The following COQ10B variants were observed in gnomAD, a reference collection of about 807,000 sequenced individuals.
COQ10B encodes the protein coenzyme Q10B.
In COQ10B, 12 loss-of-function variants were observed where a neutral mutation model predicts 27.6. The ratio of observed to expected loss-of-function variants is 0.43; its 90% CI spans 0.28 to 0.70. The LOEUF (loss-of-function observed/expected upper bound fraction) is 0.70, where lower values mean the gene tolerates loss of function less well. Among genes scored for constraint, COQ10B ranks in the 30% least tolerant of loss-of-function variants. The pLI, the probability that COQ10B is intolerant of heterozygous loss-of-function variation, is 0.17. For synonymous variants in COQ10B, 115 were observed against 103.0 expected (o/e 1.12, Z -0.71); for missense variants, 278 against 288.7 (o/e 0.96, Z 0.27).
At chr2:197,473,652 C>A in intron 4 of COQ10B, 105 bp from the exon 5 acceptor site, 1 of 816,208 alleles carries the variant, frequency 1.2e-6, no homozygotes, top group Non-Finnish European at 1.8e-6. Context: ...TGCCACTGCA[C>A]TCCAACCTGG....
At position 197,462,710 on chromosome 2, in the gene COQ10B, G is replaced by T; in HGVS notation, c.426G>T (p.Leu142Phe). 6.6e-7 allele frequency: 1 copy of T among 1,522,130 alleles called. No individual in the cohort carries two copies. The highest frequency in any genetic ancestry group is 8.8e-7 in the Non-Finnish European group (1 of 1,140,628). The allele number at this position is 1,522,130 out of a possible 1,614,324, so 94.3% of individuals were successfully genotyped here. Residue 142 changes from leucine to phenylalanine, a missense_variant, in exon 3 of 5, where the codon TTG (leucine) becomes TTT (phenylalanine). By Grantham distance (22) the Leu-to-Phe change is conservative. Transcript: ENST00000263960. ...VLERYTSVVT[L>F]VKPHLVKASC... is the part of the protein sequence containing the mutation. ...AGCGATATACATCAGTAGTAACCTT[G>T]GTGAAACCTCATTTAGTAAAGGTAA... is the stretch of plus-strand genomic sequence containing the variant.
At chr2:197,468,789 C>A (rs112983411) in intron 3 of COQ10B, among the ~76,000 whole-genome samples, 1 of 152,026 alleles carries the variant, frequency 6.6e-6, no homozygotes, top group African/African-American at 2.4e-5. Context: ...GAGAACACAA[C>A]TCTACAAAAA....
Position 197,460,060 on chromosome 2 carries a change from A to C in COQ10B, c.233A>C (p.Tyr78Ser). 6.2e-7 allele frequency: 1 copy of C among 1,607,714 alleles called. No homozygotes were observed. Among genetic ancestry groups the C allele is most frequent in the Non-Finnish European group, 8.5e-7 (1 of 1,176,722 alleles). Reference sequence around the variant, plus strand: ...CCATTAATAAACAAAAGGAAAGAATATTCAGAGAGAAGAATTTTAGGGTTC... The same window carrying C: ...CCATTAATAAACAAAAGGAAAGAATCTTCAGAGAGAAGAATTTTAGGGTTC... ...TAPLINKRKE[Y>S]SERRILGYSM... Residue 78 changes from tyrosine to serine, a missense_variant, in exon 2 of 5, where the codon TAT (tyrosine) becomes TCT (serine). By Grantham distance (144) the Tyr-to-Ser change is moderately radical. Coordinates refer to ENST00000263960, the MANE Select transcript of COQ10B (RefSeq NM_025147.5).
chr2:197,459,249 C>T (rs544639226), intron 1 of COQ10B, among the ~76,000 whole-genome samples: 1 of 152,284 alleles, frequency 6.6e-6, no homozygotes, highest in African/African-American at 2.4e-5. Flanking sequence ...TCATTGCAAC[C>T]TCGAAGTGCT....
intron 1 of COQ10B, 137 bp downstream of exon 1, chr2:197,453,801 T>TC (rs1559289629): frequency 9.8e-7 from 1 of 1,025,604 alleles, no homozygotes; most frequent in East Asian, 2.5e-5. Context: ...GGCTTTTTTT[T>TC]GCGTTTGGCA....
At chr2:197,459,320 C>T (rs2085732661) in intron 1 of COQ10B, among the ~76,000 whole-genome samples, 1 of 152,140 alleles carries the variant, frequency 6.6e-6, no homozygotes, top group Admixed American at 6.6e-5. Flanking sequence ...GCACATGCCA[C>T]CATGGCCGGC....
At position 197,462,591 on chromosome 2, in the gene COQ10B, C is replaced by T; in HGVS notation, c.307C>T (p.His103Tyr). The change falls in exon 3 of 5, where the codon CAT becomes TAT. Residue 103 changes from histidine to tyrosine, a missense_variant. Coordinates refer to ENST00000263960, the MANE Select transcript of COQ10B (RefSeq NM_025147.5). Reference protein sequence around the residue: ...DVVSGVEDYKHFVPWCKKSDV... With the variant: ...DVVSGVEDYKYFVPWCKKSDV... Reference sequence around the variant, plus strand: ...AGTATCGGGAGTGGAGGATTACAAGCATTTTGTTCCTTGGTGCAAAAAATC... The same window carrying T: ...AGTATCGGGAGTGGAGGATTACAAGTATTTTGTTCCTTGGTGCAAAAAATC... 1 of 1,592,518 alleles carries T rather than the reference C, an allele frequency of 6.3e-7. No individual in the cohort carries two copies. The highest frequency in any genetic ancestry group is 1.1e-5 in the South Asian group (1 of 88,596).
intron 3 of COQ10B, among the ~76,000 whole-genome samples, chr2:197,465,794 C>CA (rs1220759687): frequency 2.0e-5 from 3 of 152,004 alleles, no homozygotes; most frequent in Non-Finnish European, 4.4e-5. Flanking sequence ...CTCTAAAAAA[C>CA]AAACAAACAG....
In COQ10B at chr2:197,473,781, C is replaced by A; in HGVS notation, c.574C>A (p.Leu192Ile). ...FSISFEFRSL[L>I]HSQLATLFFD... ...GATTTCTTTTGAATTTCGATCACTTCTACATTCCCAGCTTGCCACACTCTT... is the reference window on the plus strand; with the variant it reads ...GATTTCTTTTGAATTTCGATCACTTATACATTCCCAGCTTGCCACACTCTT... Residue 192 changes from leucine to isoleucine, a missense_variant, in exon 5 of 5, where the codon CTA becomes ATA. By Grantham distance (5) the Leu-to-Ile change is conservative. This residue lies in a region of COQ10B where 83 missense variants were observed against 104.5 expected (regional missense o/e 0.79). Coordinates refer to ENST00000263960, the MANE Select transcript of COQ10B (RefSeq NM_025147.5). 6.3e-7 allele frequency: 1 copy of A among 1,579,472 alleles called. No individual in the cohort carries two copies. The highest frequency in any genetic ancestry group is 8.6e-7 in the Non-Finnish European group (1 of 1,162,906).
chr2:197,464,064 TATAC>T (rs1453458426), intron 3 of COQ10B, among the ~76,000 whole-genome samples: 2 of 120,512 alleles, frequency 1.7e-5, no homozygotes, highest in Non-Finnish European at 3.6e-5. Flanking sequence ...TATATATATA[TATAC>T]ACACACACAC....
intron 1 of COQ10B, among the ~76,000 whole-genome samples, chr2:197,457,977 C>T (rs934110171): frequency 6.6e-6 from 1 of 152,196 alleles, no homozygotes; most frequent in East Asian, 1.9e-4. Flanking sequence ...AATTCACTGA[C>T]CTCTGTTTCA....
chr2:197,471,941 CAAA>C (rs200758529), intron 4 of COQ10B, among the ~76,000 whole-genome samples: 7 of 93,600 alleles, frequency 7.5e-5, no homozygotes, highest in Admixed American at 1.1e-4. Context: ...GACACTGTCT[CAAA>C]AAAAAAAAAA....
chr2:197,465,382 C>T (rs1241785606), intron 3 of COQ10B, among the ~76,000 whole-genome samples: 1 of 150,992 alleles, frequency 6.6e-6, no homozygotes, highest in African/African-American at 2.4e-5. Context: ...CTCTGCCTCC[C>T]GGATTCAAGT....
Position 197,462,578 on chromosome 2 carries a change from G to A in COQ10B, c.294G>A (p.Val98=). 2 of 1,593,966 alleles carry A rather than the reference G, an allele frequency of 1.3e-6. No homozygotes were observed. The highest frequency in any genetic ancestry group is 1.7e-6 in the Non-Finnish European group (2 of 1,166,646). The change falls in exon 3 of 5, where the codon GTG becomes GTA. Residue 98 remains valine, a synonymous_variant. Coordinates refer to ENST00000263960, the MANE Select transcript of COQ10B (RefSeq NM_025147.5). The stretch of plus-strand genomic sequence containing the variant: ...AAATGTATGATGTAGTATCGGGAGT[G>A]GAGGATTACAAGCATTTTGTTCCTT... ...MQEMYDVVSG[V]EDYKHFVPWC...
At chr2:197,463,990 T>TACAC (rs1559293163) in intron 3 of COQ10B, among the ~76,000 whole-genome samples, 6 of 74,926 alleles carry the variant, frequency 8.0e-5, no homozygotes, top group Non-Finnish European at 7.4e-5. Flanking sequence ...TATATATATA[T>TACAC]ATATATACAC....
chr2:197,454,617 T>C (rs1011329581), intron 1 of COQ10B, among the ~76,000 whole-genome samples: 1 of 151,952 alleles, frequency 6.6e-6, no homozygotes, highest in African/African-American at 2.4e-5. Context: ...GGAAATAACC[T>C]CAAAAAGTAG....
intron 3 of COQ10B, among the ~76,000 whole-genome samples, chr2:197,464,907 T>C (rs1236905406): frequency 6.7e-6 from 1 of 149,336 alleles, no homozygotes; most frequent in East Asian, 2.0e-4. Context: ...GGAGTCTCAC[T>C]CTGTCGCCCA....
chr2:197,464,738 A>G (rs918553350), intron 3 of COQ10B, among the ~76,000 whole-genome samples: 1 of 152,174 alleles, frequency 6.6e-6, no homozygotes, highest in Non-Finnish European at 1.5e-5. Context: ...ACTAAGGCTT[A>G]GAAGAGATAG....
At chr2:197,459,594 G>A (rs1202318368) in intron 1 of COQ10B, among the ~76,000 whole-genome samples, 1 of 152,128 alleles carries the variant, frequency 6.6e-6, no homozygotes. Flanking sequence ...AAAACAACGT[G>A]GGTAGACAAC....
Sources: allele counts gnomAD v4.1 joint callset (sites outside exome capture counted in the v4.1 genomes callset), GRCh38; gene constraint gnomAD v4.1.1; regional missense constraint gnomAD v4.1.1; transcripts MANE v1.5; gene names NCBI Gene and HGNC (gene_info 2026-07-23, HGNC 2026-07-21).